NRG3: variants seen among roughly 807,000 people sequenced by gnomAD.
NRG3 encodes the protein neuregulin 3, also known as pro-neuregulin-3, membrane-bound isoform.
A neutral mutation model predicts 66.9 loss-of-function variants in NRG3; 31 were observed. The observed-to-expected ratio is 0.46, with a 90% CI of 0.35 to 0.63. The LOEUF (loss-of-function observed/expected upper bound fraction) is 0.63. Among genes scored for constraint, NRG3 ranks in the 20% least tolerant of loss-of-function variants. The pLI, the probability that NRG3 is intolerant of heterozygous loss-of-function variation, is 0.00. For missense variants in NRG3, 910 were observed against 878.9 expected, an observed-to-expected ratio of 1.04 and a Z score of -0.45; for synonymous variants, 393 against 359.4, an observed-to-expected ratio of 1.09 and a Z score of -1.06.
chr10:82,302,930 GT>G (rs373573571), intron 1 of NRG3, among the ~76,000 whole-genome samples: 1 of 152,024 alleles, frequency 6.6e-6, no homozygotes, highest in Non-Finnish European at 1.5e-5. Context: ...TGGTTTTTCT[GT>G]TTTTTAAGAT....
chr10:82,692,996 A>G (rs1591193286), intron 2 of NRG3, among the ~76,000 whole-genome samples: 1 of 152,244 alleles, frequency 6.6e-6, no homozygotes, highest in East Asian at 1.9e-4. Context: ...GCCGCCCCTC[A>G]ACACTGTTTG....
chr10:82,748,319 A>C (rs2134895476), intron 3 of NRG3, among the ~76,000 whole-genome samples: 1 of 150,676 alleles, frequency 6.6e-6, no homozygotes, highest in African/African-American at 2.4e-5. Context: ...TCAAAACAAC[A>C]TGTATGTTAT....
chr10:82,965,332 A>C (rs1564673845), intron 6 of NRG3, among the ~76,000 whole-genome samples: 1 of 152,226 alleles, frequency 6.6e-6, no homozygotes, highest in Non-Finnish European at 1.5e-5. Context: ...CCAGACAGGC[A>C]GCTAATCTGA....
chr10:82,070,554 G>C (rs967702214), intron 1 of NRG3, among the ~76,000 whole-genome samples: 1 of 151,782 alleles, frequency 6.6e-6, no homozygotes, highest in Non-Finnish European at 1.5e-5. Flanking sequence ...GTCAGATGAA[G>C]ATAAATACAA....
In NRG3 at chr10:82,430,272, T is replaced by G. The variant is rs142864475; in HGVS notation, c.953+71404T>G. Among the ~76,000 whole-genome samples, 435 of 152,288 alleles carry G rather than the reference T, an allele frequency of 2.9e-3. 2 individuals carry two copies. Among genetic ancestry groups the G allele is most frequent in the African/African-American group, 0.01 (428 of 41,574 alleles). ...ACCAGTTTTTTTGTTTTTTGTTTTTTTTTGAGATGGAGTCTCGCTCTGTCA... is the reference window on the plus strand; with the variant it reads ...ACCAGTTTTTTTGTTTTTTGTTTTTGTTTGAGATGGAGTCTCGCTCTGTCA... On this transcript the variant is annotated intron_variant, in intron 2 of 8. Coordinates refer to ENST00000372141, the MANE Select transcript of NRG3 (RefSeq NM_001010848.4).
intron 3 of NRG3, among the ~76,000 whole-genome samples, chr10:82,863,560 G>A (rs560343126): frequency 5.3e-5 from 8 of 152,246 alleles, no homozygotes; most frequent in East Asian, 3.9e-4. Context: ...CCTAACTGGC[G>A]TGAGATGGTA....
chr10:82,379,166 G>A (rs958896031), intron 2 of NRG3, among the ~76,000 whole-genome samples: 10 of 152,130 alleles, frequency 6.6e-5, no homozygotes, highest in African/African-American at 2.4e-4. Context: ...GTTTGGTAGT[G>A]TTGAGAGGGG....
chr10:82,408,141 AAG>A (rs1401490830), intron 2 of NRG3, among the ~76,000 whole-genome samples: 9 of 151,380 alleles, frequency 5.9e-5, no homozygotes, highest in African/African-American at 1.2e-4. Flanking sequence ...GAAAGAAAGA[AAG>A]AAAAGAAAAA....
At chr10:82,658,513 T>G (rs1356909288) in intron 2 of NRG3, among the ~76,000 whole-genome samples, 1 of 152,028 alleles carries the variant, frequency 6.6e-6, no homozygotes, top group Non-Finnish European at 1.5e-5. Flanking sequence ...TTACCACTTC[T>G]ATTCAGAATT....
chr10:82,816,084 G>A (rs763674368), intron 3 of NRG3, among the ~76,000 whole-genome samples: 3 of 152,222 alleles, frequency 2.0e-5, no homozygotes, highest in Non-Finnish European at 4.4e-5. Flanking sequence ...CCCCAAAAAG[G>A]GTGTCACAGC....
chr10:82,985,256 G>T lies in NRG3; in HGVS notation c.1742G>T (p.Gly581Val), dbSNP rs987806444. The change falls in exon 9 of 9, where the codon GGT (glycine) becomes GTT (valine). Residue 581 changes from glycine (G) to valine (V), a missense_variant. Transcript: ENST00000372141. ...TCTGTGCCCATCATCCCTTCAGTGG[G>T]TTTAGAGGAAACCTGCCTGCAAATG... ...ASSVPIIPSV[G>V]LEETCLQMPG... The T allele has an allele frequency of 1.9e-6, 3 of 1,614,150 alleles. No homozygotes were observed. The highest frequency in any genetic ancestry group is 1.7e-5 in the Admixed American group (1 of 60,010).
chr10:82,369,672 A>G (rs1202906959), intron 2 of NRG3, among the ~76,000 whole-genome samples: 1 of 138,966 alleles, frequency 7.2e-6, no homozygotes, highest in Non-Finnish European at 1.5e-5. Context: ...TAATCCAAGG[A>G]TGTTCCATGA....
intron 2 of NRG3, among the ~76,000 whole-genome samples, chr10:82,553,495 G>T (rs917595112): frequency 1.3e-5 from 2 of 151,978 alleles, no homozygotes; most frequent in Non-Finnish European, 2.9e-5. Context: ...TAAATAGAAG[G>T]GTTTGCTGAA....
intron 2 of NRG3, among the ~76,000 whole-genome samples, chr10:82,595,512 G>A (rs1034635421): frequency 5.9e-5 from 9 of 152,098 alleles, no homozygotes; most frequent in South Asian, 2.1e-4. Context: ...GGGGCCAGGC[G>A]CGATGGCCCA....
intron 2 of NRG3, among the ~76,000 whole-genome samples, chr10:82,458,157 C>A (rs569192599): frequency 1.4e-4 from 22 of 152,250 alleles, no homozygotes; most frequent in Non-Finnish European, 2.6e-4. Flanking sequence ...ACAAAGACTC[C>A]TCAGTTCATC....
chr10:82,266,370 G>A (rs1047199524), intron 1 of NRG3, among the ~76,000 whole-genome samples: 2 of 152,080 alleles, frequency 1.3e-5, no homozygotes, highest in Admixed American at 1.3e-4. Flanking sequence ...GACATGTGGA[G>A]CTCGTAAGTA....
At chr10:82,117,186 T>C (rs1443210676) in intron 1 of NRG3, among the ~76,000 whole-genome samples, 1 of 152,124 alleles carries the variant, frequency 6.6e-6, no homozygotes, top group African/African-American at 2.4e-5. Flanking sequence ...AAATAGTTCC[T>C]CCCTACATTA....
intron 2 of NRG3, among the ~76,000 whole-genome samples, chr10:82,719,993 T>C (rs369326752): frequency 6.6e-6 from 1 of 152,212 alleles, no homozygotes; most frequent in Non-Finnish European, 1.5e-5. Flanking sequence ...TCAGATTGAC[T>C]TAACTGTGCC....
intron 7 of NRG3, among the ~76,000 whole-genome samples, chr10:82,978,666 C>G (rs1039085853): frequency 6.6e-6 from 1 of 152,158 alleles, no homozygotes; most frequent in African/African-American, 2.4e-5. Context: ...TCACCTCTTA[C>G]CTTGGCTGGA....
Sources: allele counts gnomAD v4.1 joint callset (sites outside exome capture counted in the v4.1 genomes callset), GRCh38; gene constraint gnomAD v4.1.1; transcripts MANE v1.5; gene names NCBI Gene and HGNC (gene_info 2026-07-23, HGNC 2026-07-21).